POC1A: variants seen among roughly 807,000 people sequenced by gnomAD.
POC1A encodes the protein POC1 centriolar protein A, also known as POC1 centriolar protein homolog A.
POC1A carries 34 observed loss-of-function variants against 47.8 expected under a neutral mutation model. The ratio of observed to expected loss-of-function variants is 0.71; its 90% confidence interval spans 0.54 to 0.95. The LOEUF (loss-of-function observed/expected upper bound fraction) is 0.95. Among genes scored for constraint, POC1A ranks in the 40% least tolerant of loss-of-function variants. The probability of loss-of-function intolerance (pLI) is 0.00; values close to 1 mark genes in which losing one functional copy is unlikely to be tolerated. For synonymous variants in POC1A, 177 were observed against 207.6 expected (o/e 0.85, Z 1.27); for missense variants, 466 against 528.3 (o/e 0.88, Z 1.16).
intron 9 of POC1A, among the ~76,000 whole-genome samples, chr3:52,104,598 A>G (rs1054673797): frequency 1.3e-5 from 2 of 152,256 alleles, no homozygotes; most frequent in Non-Finnish European, 2.9e-5. Context: ...CCTCAAGGTG[A>G]AAATCACCAG....
At chr3:52,093,626 G>A (rs891448706) in intron 10 of POC1A, among the ~76,000 whole-genome samples, 5 of 152,248 alleles carry the variant, frequency 3.3e-5, no homozygotes, top group African/African-American at 1.2e-4. Context: ...AAGGCACACA[G>A]ACTCAAAGTG....
chr3:52,099,795 G>C (rs1277694514), intron 9 of POC1A, among the ~76,000 whole-genome samples: 17 of 152,168 alleles, frequency 1.1e-4, no homozygotes, highest in Non-Finnish European at 1.5e-5. Flanking sequence ...AGGTTGCAAT[G>C]AGCTGAGATC....
intron 10 of POC1A, among the ~76,000 whole-genome samples, chr3:52,078,975 G>C (rs1702202388): frequency 6.6e-6 from 1 of 152,226 alleles, no homozygotes; most frequent in Non-Finnish European, 1.5e-5. Flanking sequence ...GAGTCTGTCT[G>C]GGCCACAGGC....
chr3:52,108,104 G>A (rs1703249235), intron 9 of POC1A, among the ~76,000 whole-genome samples: 1 of 152,138 alleles, frequency 6.6e-6, no homozygotes. Context: ...TATAAATACT[G>A]GACACCACCA....
At chr3:52,141,967 A>G (rs567262887) in intron 6 of POC1A, among the ~76,000 whole-genome samples, 2 of 152,226 alleles carry the variant, frequency 1.3e-5, no homozygotes, top group Non-Finnish European at 2.9e-5. Flanking sequence ...CCAGCCAAAG[A>G]GACCACCTCT....
intron 9 of POC1A, among the ~76,000 whole-genome samples, chr3:52,108,868 C>A (rs894212612): frequency 6.6e-6 from 1 of 152,216 alleles, no homozygotes; most frequent in Non-Finnish European, 1.5e-5. Flanking sequence ...CTTCCCTCCC[C>A]CTGCAGGCTT....
chr3:52,148,687 CCT>C (rs998676264), intron 4 of POC1A, among the ~76,000 whole-genome samples: 6 of 152,194 alleles, frequency 3.9e-5, no homozygotes, highest in African/African-American at 7.2e-5. Flanking sequence ...AAAATCATCC[CCT>C]GAGAACATCC....
At chr3:52,140,224 G>A (rs1268846714) in intron 6 of POC1A, among the ~76,000 whole-genome samples, 1 of 152,162 alleles carries the variant, frequency 6.6e-6, no homozygotes, top group African/African-American at 2.4e-5. Flanking sequence ...CACACTTAGG[G>A]GGAAACAGCC....
intron 8 of POC1A, among the ~76,000 whole-genome samples, chr3:52,123,396 G>A (rs1367242719): frequency 6.6e-6 from 1 of 152,184 alleles, no homozygotes; most frequent in African/African-American, 2.4e-5. Flanking sequence ...GAGAACTGGG[G>A]AGTGTGTGGC....
intron 1 of POC1A, among the ~76,000 whole-genome samples, chr3:52,153,456 C>T (rs1314372087): frequency 1.3e-5 from 2 of 152,262 alleles, no homozygotes; most frequent in Non-Finnish European, 2.9e-5. Context: ...ACCCCTAACG[C>T]ACCTGTCAGA....
chr3:52,082,221 C>T (rs968975620), intron 10 of POC1A, among the ~76,000 whole-genome samples: 3 of 152,050 alleles, frequency 2.0e-5, no homozygotes, highest in Non-Finnish European at 4.4e-5. Flanking sequence ...CCCACAAGGG[C>T]CCTGCAGGCT....
chr3:52,076,025 C>G (rs1032634514), intron 10 of POC1A, 40 bp from the exon 11 acceptor site: 1 of 1,517,630 alleles, frequency 6.6e-7, no homozygotes, highest in African/African-American at 1.4e-5. Flanking sequence ...CACAGAAGGG[C>G]CGCCAGGCTG....
In POC1A at chr3:52,079,723, G is replaced by A. The variant is rs148896171; in HGVS notation, c.1126-3738C>T. 2.3e-4 allele frequency among the ~76,000 whole-genome samples: 35 copies of A among 152,326 alleles called. No individual in the cohort carries two copies. Among genetic ancestry groups the A allele is most frequent in the African/African-American group, 7.5e-4 (31 of 41,574 alleles). On this transcript the variant is annotated intron_variant, in intron 10 of 10. Coordinates refer to ENST00000296484, the MANE Select transcript of POC1A (RefSeq NM_015426.5). The surrounding 1 kb of genome is among the most constrained non-coding windows in gnomAD (Gnocchi z 4.6). Reference sequence around the variant, plus strand: ...TGGGGCAGGGTAAAGGGAAACTGACGAAGGGGTTGAGGAGTCCAGGGCTCT... The same window carrying A: ...TGGGGCAGGGTAAAGGGAAACTGACAAAGGGGTTGAGGAGTCCAGGGCTCT...
At position 52,075,641 on chromosome 3, in the gene POC1A, G is replaced by T; in HGVS notation, c.*246C>A. ...GCTCCTTTACATTAAGCAAAATGTG[G>T]TCCTCTCATTCGGGTCTGAAGCATC... On this transcript the variant is annotated 3_prime_UTR_variant, in exon 11 of 11. Transcript: ENST00000296484. 1 of 366,722 alleles carries T rather than the reference G, an allele frequency of 2.7e-6. No homozygotes were observed. Among genetic ancestry groups the T allele is most frequent in the South Asian group, 3.9e-5 (1 of 25,602 alleles). The allele number at this position is 366,722 out of a possible 1,614,324, so 22.7% of individuals were successfully genotyped here. A position where few individuals can be genotyped will look rare whatever the true frequency, so the allele number is the denominator to read the frequency against.
intron 9 of POC1A, among the ~76,000 whole-genome samples, chr3:52,099,181 C>T (rs1702915275): frequency 6.6e-6 from 1 of 152,222 alleles, no homozygotes; most frequent in African/African-American, 2.4e-5. Context: ...AGGCCCTCCA[C>T]AAACACTCAA....
chr3:52,119,558 C>T (rs914979468), intron 9 of POC1A, among the ~76,000 whole-genome samples: 1 of 152,058 alleles, frequency 6.6e-6, no homozygotes, highest in Non-Finnish European at 1.5e-5. Context: ...CCATGCTCAA[C>T]TAATTTTTAA....
intron 10 of POC1A, among the ~76,000 whole-genome samples, chr3:52,089,743 G>A (rs1231128391): frequency 6.6e-6 from 1 of 152,184 alleles, no homozygotes; most frequent in Non-Finnish European, 1.5e-5. Flanking sequence ...GCACGTGGGA[G>A]GACCGATCCC....
At chr3:52,104,013 A>G (rs1393597278) in intron 9 of POC1A, among the ~76,000 whole-genome samples, 1 of 152,244 alleles carries the variant, frequency 6.6e-6, no homozygotes, top group Non-Finnish European at 1.5e-5. Flanking sequence ...AAATGGAAGC[A>G]TATTTCCATA....
intron 9 of POC1A, 32 bp downstream of exon 9, chr3:52,122,347 A>C: frequency 7.8e-7 from 1 of 1,274,162 alleles, no homozygotes; most frequent in Non-Finnish European, 1.1e-6. Flanking sequence ...CCAGAGTCAC[A>C]GAGCTCAGGA....
Sources: gnomAD v4.1 joint callset for allele counts (sites outside exome capture counted in the v4.1 genomes callset) on GRCh38, gnomAD v4.1.1 for gene constraint, Gnocchi (gnomAD v3.1) non-coding constraint, MANE v1.5 for transcripts, NCBI Gene and HGNC (gene_info 2026-07-23, HGNC 2026-07-21) for gene names.